HEMK2: variants seen among roughly 807,000 people sequenced by gnomAD.
HEMK2 encodes the protein HemK methyltransferase 2, ETF1 glutamine and histone H4 lysine, also known as methyltransferase HEMK2.
chr21:28,719,193 T>A, the HEMK2 span, among the ~76,000 whole-genome samples: 8 of 152,204 alleles, frequency 5.3e-5, no homozygotes, highest in Admixed American at 5.2e-4. Context: ...TTTGGGTTTA[T>A]CTGCTTTTGC....
chr21:28,764,831 T>A, the HEMK2 span, among the ~76,000 whole-genome samples: 2 of 152,160 alleles, frequency 1.3e-5, no homozygotes, highest in African/African-American at 4.8e-5. Context: ...AAATGTATAA[T>A]GACAGCTACA....
the HEMK2 span, among the ~76,000 whole-genome samples, chr21:28,745,341 G>A: frequency 6.6e-6 from 1 of 152,222 alleles, no homozygotes; most frequent in African/African-American, 2.4e-5. Context: ...TCCCCAGAGA[G>A]TCTGATTTGT....
At chr21:28,660,865 G>A in the HEMK2 span, among the ~76,000 whole-genome samples, 1 of 152,054 alleles carries the variant, frequency 6.6e-6, no homozygotes, top group Admixed American at 6.6e-5. Context: ...GAAGCTATGT[G>A]AGCCTGAAGT....
the HEMK2 span, among the ~76,000 whole-genome samples, chr21:28,813,171 T>C: frequency 6.6e-6 from 1 of 152,208 alleles, no homozygotes; most frequent in Non-Finnish European, 1.5e-5. Context: ...TGTCTCTCTT[T>C]GCAGATGACA....
At chr21:28,772,588 A>T in the HEMK2 span, among the ~76,000 whole-genome samples, 1 of 152,154 alleles carries the variant, frequency 6.6e-6, no homozygotes, top group Non-Finnish European at 1.5e-5. Context: ...TGCCTCATTT[A>T]ATGTATTTTC....
At chr21:28,870,372 C>T in the HEMK2 span, among the ~76,000 whole-genome samples, 5 of 152,014 alleles carry the variant, frequency 3.3e-5, no homozygotes, top group Non-Finnish European at 5.9e-5. Flanking sequence ...TATTAGGGTT[C>T]ACCCTCTGTT....
At chr21:28,856,608 T>C in the HEMK2 span, among the ~76,000 whole-genome samples, 5 of 152,226 alleles carry the variant, frequency 3.3e-5, no homozygotes, top group Middle Eastern at 3.4e-3. Flanking sequence ...GGTTGTCACA[T>C]TGTGACTGAC....
At chr21:28,867,782 C>G in the HEMK2 span, among the ~76,000 whole-genome samples, 66 of 152,246 alleles carry the variant, frequency 4.3e-4, no homozygotes, top group African/African-American at 1.5e-3. Flanking sequence ...TTTATAATGC[C>G]TTTTGACGAA....
At chr21:28,708,730 C>G in the HEMK2 span, among the ~76,000 whole-genome samples, 1 of 152,156 alleles carries the variant, frequency 6.6e-6, no homozygotes, top group Non-Finnish European at 1.5e-5. Context: ...TTATTCAAAA[C>G]GGATTCATAC....
chr21:28,768,142 G>A, the HEMK2 span, among the ~76,000 whole-genome samples: 1 of 152,064 alleles, frequency 6.6e-6, no homozygotes, highest in Non-Finnish European at 1.5e-5. Flanking sequence ...TTGCAGAGAT[G>A]TTACTCCTCT....
the HEMK2 span, chr21:28,880,056 T>C: frequency 1.3e-6 from 1 of 777,660 alleles, no homozygotes. Flanking sequence ...GGGAAAATAA[T>C]GTGTTACGGG....
chr21:28,663,543 T>C, the HEMK2 span, among the ~76,000 whole-genome samples: 1 of 152,264 alleles, frequency 6.6e-6, no homozygotes, highest in Non-Finnish European at 1.5e-5. Context: ...CAATGATATA[T>C]GGACCTCAAC....
the HEMK2 span, among the ~76,000 whole-genome samples, chr21:28,812,197 A>C: frequency 3.3e-5 from 5 of 152,238 alleles, no homozygotes; most frequent in African/African-American, 1.2e-4. Flanking sequence ...ATTGAATGAT[A>C]GTATAATGGC....
At chr21:28,673,595 G>A in the HEMK2 span, among the ~76,000 whole-genome samples, 2 of 113,550 alleles carry the variant, frequency 1.8e-5, no homozygotes, top group East Asian at 3.2e-4. Flanking sequence ...TGTCCTTCAA[G>A]GTTTGAGGAC....
At chr21:28,840,893 G>C in the HEMK2 span, among the ~76,000 whole-genome samples, 1 of 147,292 alleles carries the variant, frequency 6.8e-6, no homozygotes, top group Non-Finnish European at 1.5e-5. Flanking sequence ...AAAGACACTT[G>C]CACAAGCATG....
chr21:28,753,695 T>C, the HEMK2 span, among the ~76,000 whole-genome samples: 2 of 152,216 alleles, frequency 1.3e-5, no homozygotes, highest in Admixed American at 6.5e-5. Context: ...TATACAGTAA[T>C]GTGAAAAGAA....
At chr21:28,867,932 T>C in the HEMK2 span, among the ~76,000 whole-genome samples, 5 of 152,356 alleles carry the variant, frequency 3.3e-5, no homozygotes, top group Non-Finnish European at 5.9e-5. Context: ...AACCTTTTTA[T>C]TTACAACTTA....
the HEMK2 span, among the ~76,000 whole-genome samples, chr21:28,662,143 G>T: frequency 7.3e-5 from 11 of 151,012 alleles, no homozygotes; most frequent in African/African-American, 1.9e-4. Flanking sequence ...TGGGGAAGAG[G>T]CCCATGAAGC....
the HEMK2 span, among the ~76,000 whole-genome samples, chr21:28,603,741 A>G: frequency 6.6e-6 from 1 of 152,322 alleles, no homozygotes; most frequent in African/African-American, 2.4e-5. Flanking sequence ...TCCTGCTACA[A>G]CATCACTCCC....
Sources: gnomAD v4.1 joint callset for allele counts (sites outside exome capture counted in the v4.1 genomes callset) on GRCh38, gnomAD v4.1.1 for gene constraint, MANE v1.5 for transcripts, NCBI Gene and HGNC (gene_info 2026-07-23, HGNC 2026-07-21) for gene names.